The following NDUFS4 variants were observed in gnomAD, a reference collection of about 807,000 sequenced individuals.
NDUFS4 encodes the protein NADH:ubiquinone oxidoreductase subunit S4, also known as NADH dehydrogenase [ubiquinone] iron-sulfur protein 4, mitochondrial.
Under a neutral mutation model 24.3 loss-of-function variants are expected in NDUFS4, and 28 were observed. The ratio of observed to expected loss-of-function variants is 1.15; its 90% CI spans 0.85 to 1.58. The LOEUF is 1.58. Among genes scored for constraint, NDUFS4 ranks in the 40% most tolerant of loss-of-function variants. The pLI, the probability that NDUFS4 is intolerant of heterozygous loss-of-function variation, is 0.00. For missense variants in NDUFS4, 223 were observed against 207.9 expected, an observed-to-expected ratio of 1.07 and a Z score of -0.45; for synonymous variants, 93 against 69.7, an observed-to-expected ratio of 1.34 and a Z score of -1.67.
chr5:53,666,070 A>G (rs192150213), intron 4 of NDUFS4, among the ~76,000 whole-genome samples: 53 of 152,322 alleles, frequency 3.5e-4, no homozygotes, highest in African/African-American at 9.6e-5. Flanking sequence ...TCTTAATTAC[A>G]TAATTGTTTT....
At chr5:53,682,281 C>A (rs913957691) in intron 4 of NDUFS4, among the ~76,000 whole-genome samples, 2 of 151,904 alleles carry the variant, frequency 1.3e-5, no homozygotes, top group Non-Finnish European at 1.5e-5. Flanking sequence ...ATACATATAC[C>A]CAGTTTTCAG....
intron 2 of NDUFS4, among the ~76,000 whole-genome samples, chr5:53,616,391 G>C (rs1316745908): frequency 6.6e-6 from 1 of 152,120 alleles, no homozygotes. Context: ...GCTAGGTGAT[G>C]AGACAGAGAA....
intron 2 of NDUFS4, 72 bp downstream of exon 2, chr5:53,603,602 T>C (rs1159248240): frequency 1.7e-6 from 2 of 1,206,064 alleles, no homozygotes; most frequent in Non-Finnish European, 2.4e-6. Flanking sequence ...ATATTCAGTA[T>C]GGTGTTCCAG....
chr5:53,573,535 A>C (rs950349011), intron 1 of NDUFS4: 2 of 447,418 alleles, frequency 4.5e-6, no homozygotes, highest in South Asian at 1.6e-5. Context: ...ATGCCTAACT[A>C]TCTCAATTTG....
chr5:53,580,771 T>TTCTC (rs746212044), intron 1 of NDUFS4, among the ~76,000 whole-genome samples: 1 of 150,486 alleles, frequency 6.6e-6, no homozygotes, highest in South Asian at 2.1e-4. Context: ...CTTTCTTTCT[T>TTCTC]TCTCTCTCTC....
rs115574298 is a variant in NDUFS4, at chr5:53,648,589, A to T, written c.350+2184A>T. 9.2e-3 allele frequency among the ~76,000 whole-genome samples: 1,402 copies of T among 152,312 alleles called. 16 individuals are homozygous for T. Among genetic ancestry groups the T allele is most frequent in the African/African-American group, 0.032 (1,328 of 41,568 alleles). ...CCTGGTGGTGCCTGCATCTGTAAGA[A>T]TGGTCATATACAGACAAAATCAGTG... On this transcript the variant is annotated intron_variant, in intron 3 of 4. Transcript: ENST00000296684.
intron 2 of NDUFS4, among the ~76,000 whole-genome samples, chr5:53,632,980 G>C (rs982617579): frequency 1.6e-4 from 25 of 152,046 alleles, no homozygotes; most frequent in African/African-American, 5.8e-4. Context: ...TAACACCCTT[G>C]ACATACTACA....
At chr5:53,596,025 TC>T (rs1750122582) in intron 1 of NDUFS4, among the ~76,000 whole-genome samples, 2 of 152,352 alleles carry the variant, frequency 1.3e-5, no homozygotes, top group South Asian at 4.1e-4. Context: ...TTTATGGTGT[TC>T]TAAAGAGATT....
intron 1 of NDUFS4, among the ~76,000 whole-genome samples, chr5:53,569,816 G>A (rs1749152652): frequency 6.6e-6 from 1 of 152,004 alleles, no homozygotes; most frequent in South Asian, 2.1e-4. Context: ...ATTTCCTGAC[G>A]CTTTACTACC....
intron 2 of NDUFS4, among the ~76,000 whole-genome samples, chr5:53,621,396 TA>T (rs1433643024): frequency 3.3e-5 from 5 of 152,160 alleles, no homozygotes; most frequent in Non-Finnish European, 5.9e-5. Flanking sequence ...ATTTTGTGTT[TA>T]AAAAATTATG....
At chr5:53,639,910 A>T (rs905123252) in intron 2 of NDUFS4, among the ~76,000 whole-genome samples, 9 of 152,108 alleles carry the variant, frequency 5.9e-5, no homozygotes, top group African/African-American at 1.4e-4. Context: ...AAAGAATGTA[A>T]GTTTTTTCCA....
chr5:53,584,601 A>G (rs1749680800), intron 1 of NDUFS4, among the ~76,000 whole-genome samples: 1 of 151,730 alleles, frequency 6.6e-6, no homozygotes, highest in East Asian at 2.0e-4. Flanking sequence ...CTGCCTCCCA[A>G]AGTGCTGGGA....
intron 2 of NDUFS4, among the ~76,000 whole-genome samples, chr5:53,638,812 C>T (rs533225645): frequency 1.3e-5 from 2 of 152,100 alleles, no homozygotes; most frequent in Non-Finnish European, 2.9e-5. Context: ...TCCAGGAAAA[C>T]TTTGTCATTT....
intron 3 of NDUFS4, among the ~76,000 whole-genome samples, chr5:53,656,514 G>C (rs191362794): frequency 3.9e-5 from 6 of 152,276 alleles, no homozygotes; most frequent in African/African-American, 1.4e-4. Flanking sequence ...TCCATGTGCA[G>C]AGAGTAGGAG....
chr5:53,656,978 A>G (rs935678631), intron 3 of NDUFS4, among the ~76,000 whole-genome samples: 1 of 152,176 alleles, frequency 6.6e-6, no homozygotes, highest in Non-Finnish European at 1.5e-5. Context: ...CTTCCAGTGG[A>G]TGAATGTTGT....
chr5:53,663,726 C>T (rs1752418998), intron 4 of NDUFS4, among the ~76,000 whole-genome samples: 1 of 152,068 alleles, frequency 6.6e-6, no homozygotes, highest in Non-Finnish European at 1.5e-5. Flanking sequence ...CTATGTGTGT[C>T]TCTGCTCATG....
intron 1 of NDUFS4, among the ~76,000 whole-genome samples, chr5:53,570,674 A>AT (rs376174216): frequency 1.2e-4 from 15 of 127,966 alleles, no homozygotes; most frequent in African/African-American, 2.4e-4. Context: ...TTTGTATTGT[A>AT]TTTTTTTTTC....
chr5:53,667,564 C>T (rs1752555363), intron 4 of NDUFS4, among the ~76,000 whole-genome samples: 1 of 151,754 alleles, frequency 6.6e-6, no homozygotes. Context: ...ACTTGCCCCT[C>T]TTGGGTAGGT....
intron 1 of NDUFS4, among the ~76,000 whole-genome samples, chr5:53,573,292 A>G (rs1749276492): frequency 6.6e-6 from 1 of 151,902 alleles, no homozygotes; most frequent in Admixed American, 6.6e-5. Flanking sequence ...CTTTTTGAAA[A>G]TTGTAGCTAT....
Sources: allele counts gnomAD v4.1 joint callset (sites outside exome capture counted in the v4.1 genomes callset), GRCh38; gene constraint gnomAD v4.1.1; transcripts MANE v1.5; gene names NCBI Gene and HGNC (gene_info 2026-07-23, HGNC 2026-07-21).